The following ELMO1 variants were observed in gnomAD, a reference collection of about 807,000 sequenced individuals.
The protein encoded by ELMO1 is engulfment and cell motility protein 1.
ELMO1 carries 26 observed loss-of-function variants against 98.9 expected under a neutral mutation model. That is an observed-to-expected ratio of 0.26 (90% CI 0.19 to 0.36). The LOEUF (loss-of-function observed/expected upper bound fraction) is 0.36. ELMO1 is among the 10% of genes least tolerant of loss of function. ELMO1 has a pLI of 1.00. For missense variants in ELMO1, 627 were observed against 935.2 expected (o/e 0.67, Z 4.30); for synonymous variants, 346 against 346.0 (o/e 1.00, Z 0.00).
chr7:37,329,356 A>T (rs1799982895), intron 2 of ELMO1, among the ~76,000 whole-genome samples: 2 of 152,356 alleles, frequency 1.3e-5, no homozygotes, highest in South Asian at 4.1e-4. Context: ...TGATCAAATC[A>T]GAGTAATTAG....
chr7:37,185,182 A>G (rs1481146809), intron 13 of ELMO1, among the ~76,000 whole-genome samples: 2 of 152,240 alleles, frequency 1.3e-5, no homozygotes, highest in Non-Finnish European at 2.9e-5. Flanking sequence ...TTTGTGGTCA[A>G]TCTTTATTCT....
At chr7:37,352,160 C>A (rs536543424) in intron 1 of ELMO1, among the ~76,000 whole-genome samples, 4 of 152,282 alleles carry the variant, frequency 2.6e-5, no homozygotes, top group Admixed American at 2.6e-4. Flanking sequence ...ACAAGGAAAC[C>A]AAGATGTAAA....
intron 1 of ELMO1, among the ~76,000 whole-genome samples, chr7:37,412,153 T>G (rs943566794): frequency 2.6e-5 from 4 of 152,226 alleles, no homozygotes; most frequent in Admixed American, 2.0e-4. Flanking sequence ...TTCTTACAAT[T>G]ATATTTTGCA....
intron 14 of ELMO1, among the ~76,000 whole-genome samples, chr7:37,120,816 C>G (rs1376726238): frequency 6.6e-6 from 1 of 152,186 alleles, no homozygotes; most frequent in Non-Finnish European, 1.5e-5. Flanking sequence ...TGAGAATGGA[C>G]AGACTGCCTC....
intron 10 of ELMO1, among the ~76,000 whole-genome samples, chr7:37,220,909 T>TC (rs1173930457): frequency 3.3e-5 from 5 of 151,944 alleles, no homozygotes; most frequent in African/African-American, 1.2e-4. Flanking sequence ...GGGCCAGAAG[T>TC]CCCCAGTCTG....
In ELMO1 at chr7:37,259,151, G is replaced by C. The variant is rs773123827; in HGVS notation, c.413+30C>G. 1.6e-5 allele frequency: 26 copies of C among 1,595,428 alleles called. No individual in the cohort carries two copies. The African/African-American group carries it at 2.8e-4, about 17-fold the overall frequency. Reference sequence around the variant, plus strand: ...TCAAAACGCGGAGACACGCAGGACAGCTGTGGAAGTTAGGAAAAAAGACGC... The same window carrying C: ...TCAAAACGCGGAGACACGCAGGACACCTGTGGAAGTTAGGAAAAAAGACGC... On this transcript the variant is annotated intron_variant, in intron 6 of 21. Coordinates refer to ENST00000310758, the MANE Select transcript of ELMO1 (RefSeq NM_014800.11).
intron 16 of ELMO1, among the ~76,000 whole-genome samples, chr7:37,007,050 T>G (rs944134900): frequency 2.0e-5 from 3 of 152,248 alleles, no homozygotes; most frequent in East Asian, 3.9e-4. Flanking sequence ...CATATGAAAC[T>G]CTTTGCTACC....
chr7:36,883,521 G>A (rs557462052), intron 18 of ELMO1, among the ~76,000 whole-genome samples: 276 of 152,264 alleles, frequency 1.8e-3, no homozygotes, highest in Middle Eastern at 3.4e-3. Context: ...GAATGTTTTA[G>A]CGCCATCCTC....
intron 1 of ELMO1, among the ~76,000 whole-genome samples, chr7:37,388,000 T>G (rs1209536129): frequency 1.3e-5 from 2 of 151,960 alleles, no homozygotes; most frequent in African/African-American, 4.8e-5. Flanking sequence ...CCTGGCCAAT[T>G]TTTACATTTT....
chr7:37,316,108 C>G, intron 2 of ELMO1, 148 bp from the exon 3 acceptor site: 1 of 659,334 alleles, frequency 1.5e-6, no homozygotes, highest in South Asian at 1.9e-5. Context: ...TCTTATTTTT[C>G]TCAAGGTAAC....
rs112331599 is a variant in ELMO1 at position 37,186,291 on chromosome 7, C to A, written c.1086+25095G>T. ...ATGAAGTTGGACCCCTTCCTTATGC[C>A]ATACACAATTAACTCAAAATGGATC... On this transcript the variant is annotated intron_variant, in intron 13 of 21. Coordinates refer to ENST00000310758, the MANE Select transcript of ELMO1 (RefSeq NM_014800.11). Among the ~76,000 whole-genome samples, 4 of 152,080 alleles carry A rather than the reference C, an allele frequency of 2.6e-5. 1 individual carries two copies. The highest frequency in any genetic ancestry group is 9.6e-5 in the African/African-American group (4 of 41,478).
At chr7:37,302,619 A>C (rs1456125902) in intron 4 of ELMO1, among the ~76,000 whole-genome samples, 1 of 152,098 alleles carries the variant, frequency 6.6e-6, no homozygotes, top group Non-Finnish European at 1.5e-5. Context: ...AAATGATTCT[A>C]GCCCCCAGCT....
chr7:36,974,842 C>A (rs555708014), intron 16 of ELMO1, among the ~76,000 whole-genome samples: 1 of 151,994 alleles, frequency 6.6e-6, no homozygotes, highest in Non-Finnish European at 1.5e-5. Flanking sequence ...CTGAAGCCAG[C>A]GAGACCATGA....
intron 16 of ELMO1, among the ~76,000 whole-genome samples, chr7:37,009,458 C>T (rs769494248): frequency 3.3e-5 from 5 of 152,286 alleles, no homozygotes; most frequent in African/African-American, 4.8e-5. Context: ...GAAGAGCAGA[C>T]GACAGCTGCT....
At position 37,259,224 on chromosome 7, in the gene ELMO1, C is replaced by T. The variant is rs1350423493; in HGVS notation, c.370G>A (p.Asp124Asn). Residue 124 changes from aspartate (D) to asparagine (N), a missense_variant, in exon 6 of 22, where the codon GAC becomes AAC. By Grantham distance (23) the Asp-to-Asn change is conservative. This residue lies in a region of ELMO1 where 123 missense variants were observed against 171.2 expected (regional missense o/e 0.72). Transcript: ENST00000310758. ...ATCTGCGTGAGGAGAGAGATACCGT[C>T]CAGGTTTATAAACTCCTGGGCAAAC... ...VTFAQEFINL[D>N]GISLLTQMVE... The T allele has an allele frequency of 2.5e-6, 4 of 1,613,980 alleles. No individual in the cohort carries two copies. The African/African-American group carries it at 5.3e-5, about 22-fold the overall frequency.
chr7:37,196,928 T>C (rs1264898551), intron 13 of ELMO1, among the ~76,000 whole-genome samples: 1 of 152,190 alleles, frequency 6.6e-6, no homozygotes, highest in Non-Finnish European at 1.5e-5. Context: ...CTGCTGGGTG[T>C]GGCCACTGCA....
intron 1 of ELMO1, among the ~76,000 whole-genome samples, chr7:37,401,082 C>G (rs891184573): frequency 5.3e-5 from 8 of 152,130 alleles, no homozygotes; most frequent in African/African-American, 1.9e-4. Context: ...GAACCCTACA[C>G]TGGGAGGAAG....
intron 13 of ELMO1, among the ~76,000 whole-genome samples, chr7:37,208,511 T>A (rs1055779196): frequency 3.9e-5 from 6 of 152,216 alleles, no homozygotes; most frequent in African/African-American, 1.4e-4. Flanking sequence ...TCCTTAAAGT[T>A]CAGTAAGGAG....
chr7:37,411,461 AT>A (rs1326410995), intron 1 of ELMO1, among the ~76,000 whole-genome samples: 8 of 152,202 alleles, frequency 5.3e-5, no homozygotes. Context: ...CATCCTCAAA[AT>A]TCTTTAAATA....
Sources: allele counts gnomAD v4.1 joint callset (sites outside exome capture counted in the v4.1 genomes callset), GRCh38; gene constraint gnomAD v4.1.1; regional missense constraint gnomAD v4.1.1; transcripts MANE v1.5; gene names NCBI Gene and HGNC (gene_info 2026-07-23, HGNC 2026-07-21).